Variants in PCDHA6 observed in about 807,000 individuals in gnomAD.
PCDHA6 encodes the protein protocadherin alpha 6.
In PCDHA6, 55 loss-of-function variants were observed where a neutral mutation model predicts 60.3. The ratio of observed to expected loss-of-function variants is 0.91; its 90% confidence interval spans 0.73 to 1.14. PCDHA6 has a LOEUF of 1.14. PCDHA6 is among the 50% of genes most tolerant of loss of function. The pLI, the probability that PCDHA6 is intolerant of heterozygous loss-of-function variation, is 0.00. For synonymous variants in PCDHA6, 652 were observed against 557.9 expected, an observed-to-expected ratio of 1.17 and a Z score of -2.38; for missense variants, 1,327 against 1,256.5, an observed-to-expected ratio of 1.06 and a Z score of -0.85.
intron 1 of PCDHA6, chr5:140,966,278 T>TGG (rs1173319352): frequency 3.6e-5 from 13 of 363,192 alleles, no homozygotes; most frequent in Admixed American, 2.8e-4. Context: ...AACTGGACAG[T>TGG]GGGGGTAGGG....
At chr5:140,966,396 C>T (rs770476013) in intron 1 of PCDHA6, 11 of 405,036 alleles carry the variant, frequency 2.7e-5, no homozygotes, top group Admixed American at 4.4e-5. Flanking sequence ...TCCGCCACTT[C>T]GGCGCGGAAT....
In PCDHA6 at chr5:140,857,175, A is replaced by T. The variant is rs149086377; in HGVS notation, c.2394+26690A>T. 3 of 1,598,452 alleles carry T rather than the reference A, an allele frequency of 1.9e-6. 1 individual carries two copies. Among genetic ancestry groups the T allele is most frequent in the Non-Finnish European group, 2.6e-6 (3 of 1,167,876 alleles). On this transcript the variant is annotated intron_variant, in intron 1 of 3. Transcript: ENST00000529310. Reference sequence around the variant, plus strand: ...ATTGCCCTAATCAGCGTTTCTGACCATGATTCAGGAGCCAACGGACAGGTC... The same window carrying T: ...ATTGCCCTAATCAGCGTTTCTGACCTTGATTCAGGAGCCAACGGACAGGTC...
At chr5:140,966,889 C>T in intron 1 of PCDHA6, 1 of 1,593,902 alleles carries the variant, frequency 6.3e-7, no homozygotes, top group Non-Finnish European at 8.5e-7. Flanking sequence ...GCCCTGCGGC[C>T]TCCCAGCTGC....
At chr5:140,929,268 A>G (rs1303371377) in intron 1 of PCDHA6, 1 of 1,611,476 alleles carries the variant, frequency 6.2e-7, no homozygotes, top group Non-Finnish European at 8.5e-7. Flanking sequence ...TGAATTTGCC[A>G]ATATCCTGTA....
intron 1 of PCDHA6, chr5:140,883,989 G>A (rs1554180956): frequency 6.2e-7 from 1 of 1,612,952 alleles, no homozygotes; most frequent in Non-Finnish European, 8.5e-7. Flanking sequence ...GGCAGCGCGG[G>A]AGGCACAGTG....
intron 3 of PCDHA6, among the ~76,000 whole-genome samples, chr5:140,996,100 G>A (rs1554255000): frequency 1.3e-5 from 2 of 152,190 alleles, no homozygotes; most frequent in Non-Finnish European, 2.9e-5. Flanking sequence ...TACATGGAAT[G>A]GTATGGAAGT....
chr5:140,934,705 C>T (rs1235956763), intron 1 of PCDHA6, among the ~76,000 whole-genome samples: 8 of 152,132 alleles, frequency 5.3e-5, no homozygotes, highest in African/African-American at 1.9e-4. Flanking sequence ...TCCTGGCCAT[C>T]TTACAAAAAG....
At chr5:140,859,448 G>C (rs1434508059) in intron 1 of PCDHA6, 1 of 222,132 alleles carries the variant, frequency 4.5e-6, no homozygotes, top group African/African-American at 2.3e-5. Flanking sequence ...CTTAGTTGCA[G>C]AGTGACAAAA....
intron 1 of PCDHA6, among the ~76,000 whole-genome samples, chr5:140,915,711 C>T (rs1159509465): frequency 1.3e-5 from 2 of 151,812 alleles, no homozygotes; most frequent in African/African-American, 2.4e-5. Flanking sequence ...CTCCTGTGGC[C>T]CCCACTTTGG....
chr5:140,881,595 TTAATA>T (rs2058765091), intron 1 of PCDHA6, among the ~76,000 whole-genome samples: 1 of 152,250 alleles, frequency 6.6e-6, no homozygotes, highest in Non-Finnish European at 1.5e-5. Flanking sequence ...GGGAAATTTA[TTAATA>T]TGATGTGCTT....
intron 1 of PCDHA6, chr5:140,851,593 C>A (rs1200692770): frequency 1.1e-6 from 1 of 916,458 alleles, no homozygotes; most frequent in Non-Finnish European, 1.3e-6. Context: ...TTTTGAAATT[C>A]AGTTTACAGA....
At chr5:140,893,879 G>A (rs747246517) in intron 1 of PCDHA6, among the ~76,000 whole-genome samples, 26 of 152,060 alleles carry the variant, frequency 1.7e-4, no homozygotes, top group Admixed American at 4.6e-4. Flanking sequence ...GATCCAAAGT[G>A]GCCAGAAAGT....
intron 1 of PCDHA6, among the ~76,000 whole-genome samples, chr5:140,904,227 C>G (rs1373458999): frequency 2.6e-5 from 4 of 151,978 alleles, no homozygotes; most frequent in Middle Eastern, 3.2e-3. Context: ...TTGTATTATA[C>G]TTATGCCTTT....
chr5:140,849,848 C>A (rs2150453425), intron 1 of PCDHA6: 1 of 1,598,546 alleles, frequency 6.3e-7, no homozygotes, highest in African/African-American at 1.3e-5. Context: ...TGAACGACAA[C>A]GCACCAGCGT....
rs1254354370 is a variant in PCDHA6, at chr5:140,853,174, T to C, written c.2394+22689T>C. Reference sequence around the variant, plus strand: ...GATTACAGGCGTGAGCCACCGCGCCTGGCCTAAAATGTGTTCTTTATTATT... The same window carrying C: ...GATTACAGGCGTGAGCCACCGCGCCCGGCCTAAAATGTGTTCTTTATTATT... On this transcript the variant is annotated intron_variant, in intron 1 of 3. Coordinates refer to ENST00000529310, the MANE Select transcript of PCDHA6 (RefSeq NM_018909.4). 56 of 970,124 alleles carry C rather than the reference T, an allele frequency of 5.8e-5. 5 individuals carry two copies. Among genetic ancestry groups the C allele is most frequent in the Non-Finnish European group, 6.7e-5 (54 of 803,994 alleles). 60.1% of individuals were successfully genotyped at this position (970,124 alleles called of 1,614,324 possible). A position where few individuals can be genotyped will look rare whatever the true frequency, so the allele number is the denominator to read the frequency against.
At chr5:140,920,388 T>C (rs1237249131) in intron 1 of PCDHA6, among the ~76,000 whole-genome samples, 1 of 152,214 alleles carries the variant, frequency 6.6e-6, no homozygotes, top group Non-Finnish European at 1.5e-5. Context: ...CATATTACCA[T>C]CTGGTGTCTT....
chr5:140,928,942 T>C lies in PCDHA6; in HGVS notation c.2395-50007T>C. The stretch of plus-strand genomic sequence containing the variant: ...GCAGCTTTCTGCCCAGAACTTGTAT[T>C]TAGTAATTGCCTTGGCTTGTATTTC... On this transcript the variant is annotated intron_variant, in intron 1 of 3. Transcript: ENST00000529310. 4 of 1,614,060 alleles carry C rather than the reference T, an allele frequency of 2.5e-6. No individual in the cohort carries two copies. The South Asian group carries it at 4.4e-5, about 18-fold the overall frequency.
At chr5:140,910,399 T>G (rs1461842314) in intron 1 of PCDHA6, among the ~76,000 whole-genome samples, 1 of 152,172 alleles carries the variant, frequency 6.6e-6, no homozygotes, top group East Asian at 1.9e-4. Context: ...GACTGGCCCC[T>G]GCCACCTCGA....
intron 1 of PCDHA6, among the ~76,000 whole-genome samples, chr5:140,891,237 T>C (rs2063002731): frequency 6.6e-6 from 1 of 152,210 alleles, no homozygotes; most frequent in South Asian, 2.1e-4. Flanking sequence ...CTGTTCTGGA[T>C]TCAGTAGGAT....
Sources: gnomAD v4.1 joint callset for allele counts (sites outside exome capture counted in the v4.1 genomes callset) on GRCh38, gnomAD v4.1.1 for gene constraint, MANE v1.5 for transcripts, NCBI Gene and HGNC (gene_info 2026-07-23, HGNC 2026-07-21) for gene names.